The following CNTNAP2 variants were observed in gnomAD, a reference collection of about 807,000 sequenced individuals.
The protein encoded by CNTNAP2 is contactin-associated protein-like 2.
CNTNAP2 carries 98 observed loss-of-function variants against 155.2 expected under a neutral mutation model. The observed-to-expected ratio is 0.63, with a 90% CI of 0.54 to 0.75. The LOEUF is 0.75. Among genes scored for constraint, CNTNAP2 ranks in the 30% least tolerant of loss-of-function variants. The probability of loss-of-function intolerance (pLI) is 0.00; values close to 1 mark genes in which losing one functional copy is unlikely to be tolerated. For missense variants in CNTNAP2, 1,727 were observed against 1,688.1 expected (o/e 1.02, Z -0.40); for synonymous variants, 651 against 631.2 (o/e 1.03, Z -0.47).
At chr7:146,932,523 G>A (rs539995957) in intron 3 of CNTNAP2, among the ~76,000 whole-genome samples, 2,259 of 151,990 alleles carry the variant, frequency 0.015, 51 homozygotes, top group African/African-American at 0.052. Context: ...TTGAAAACTG[G>A]CACAAGACAG....
intron 12 of CNTNAP2, among the ~76,000 whole-genome samples, chr7:147,624,155 A>G (rs150571909): frequency 4.1e-4 from 63 of 152,260 alleles, no homozygotes; most frequent in South Asian, 3.9e-3. Flanking sequence ...TGAATCTACT[A>G]CAAGAAAACA....
chr7:147,941,924 G>GA (rs1800729813), intron 14 of CNTNAP2, among the ~76,000 whole-genome samples: 1 of 152,206 alleles, frequency 6.6e-6, no homozygotes, highest in Non-Finnish European at 1.5e-5. Context: ...TATTTAAAGT[G>GA]TGTACGTTCT....
intron 10 of CNTNAP2, among the ~76,000 whole-genome samples, chr7:147,439,215 A>G (rs1282370098): frequency 6.6e-6 from 1 of 151,902 alleles, no homozygotes; most frequent in Non-Finnish European, 1.5e-5. Flanking sequence ...TTTTTGATGT[A>G]GGCACTTATA....
chr7:148,062,545 T>A (rs954726270), intron 15 of CNTNAP2, among the ~76,000 whole-genome samples: 1 of 152,100 alleles, frequency 6.6e-6, no homozygotes, highest in African/African-American at 2.4e-5. Context: ...TTGATTGACA[T>A]AAAGTCTAAA....
intron 1 of CNTNAP2, among the ~76,000 whole-genome samples, chr7:146,226,283 G>A (rs528058043): frequency 1.4e-4 from 22 of 152,096 alleles, no homozygotes; most frequent in Non-Finnish European, 2.9e-4. Context: ...CTTGAGTATT[G>A]GTGTATTGGG....
chr7:147,131,381 G>A (rs1202598215), intron 7 of CNTNAP2, among the ~76,000 whole-genome samples: 1 of 151,852 alleles, frequency 6.6e-6, no homozygotes, highest in African/African-American at 2.4e-5. Context: ...GAAGTTAGAA[G>A]CAAATACAGA....
intron 1 of CNTNAP2, among the ~76,000 whole-genome samples, chr7:146,601,202 C>A (rs1437733494): frequency 6.6e-6 from 1 of 152,024 alleles, no homozygotes; most frequent in Non-Finnish European, 1.5e-5. Flanking sequence ...CATTAATGAA[C>A]TTTGCAAACC....
At chr7:148,365,099 A>G (rs1269817218) in intron 21 of CNTNAP2, among the ~76,000 whole-genome samples, 1 of 152,052 alleles carries the variant, frequency 6.6e-6, no homozygotes, top group African/African-American at 2.4e-5. Flanking sequence ...CCAAGAACCC[A>G]CCAGTTCCGG....
chr7:147,119,769 A>G (rs1218661894), intron 5 of CNTNAP2, among the ~76,000 whole-genome samples: 1 of 152,070 alleles, frequency 6.6e-6, no homozygotes, highest in African/African-American at 2.4e-5. Flanking sequence ...GAGAGGAAAG[A>G]AAGAAAGAAG....
intron 9 of CNTNAP2, among the ~76,000 whole-genome samples, chr7:147,321,516 A>C (rs1795350258): frequency 6.6e-6 from 1 of 152,162 alleles, no homozygotes; most frequent in Admixed American, 6.5e-5. Context: ...CATAAGAAGA[A>C]AGCACCTTCT....
chr7:146,631,915 G>A (rs1395191579), intron 1 of CNTNAP2, among the ~76,000 whole-genome samples: 2 of 151,250 alleles, frequency 1.3e-5, no homozygotes, highest in African/African-American at 4.9e-5. Flanking sequence ...TTCAGTGCCT[G>A]CTCAAAGGCT....
intron 15 of CNTNAP2, among the ~76,000 whole-genome samples, chr7:147,986,321 C>T (rs1378314891): frequency 6.6e-6 from 1 of 152,176 alleles, no homozygotes; most frequent in Non-Finnish European, 1.5e-5. Flanking sequence ...TTAAAAAGAG[C>T]ATTAACATCA....
At chr7:148,333,736 C>T (rs7779793) in intron 21 of CNTNAP2, among the ~76,000 whole-genome samples, 105,770 of 152,078 alleles carry the variant, frequency 0.7, 36,978 homozygotes, top group East Asian at 0.89. Context: ...AGATTCACTG[C>T]AGTCAGAAGA....
At chr7:147,409,511 A>T (rs867014562) in intron 10 of CNTNAP2, among the ~76,000 whole-genome samples, 1 of 152,224 alleles carries the variant, frequency 6.6e-6, no homozygotes, top group East Asian at 1.9e-4. Flanking sequence ...CATGACGAAG[A>T]CACAAAAGCA....
At chr7:146,700,227 T>C (rs1800852360) in intron 1 of CNTNAP2, among the ~76,000 whole-genome samples, 1 of 152,126 alleles carries the variant, frequency 6.6e-6, no homozygotes, top group African/African-American at 2.4e-5. Flanking sequence ...GGATCTAGTG[T>C]TGACTTCTTT....
At chr7:146,921,750 C>T (rs1796504290) in intron 3 of CNTNAP2, among the ~76,000 whole-genome samples, 2 of 152,064 alleles carry the variant, frequency 1.3e-5, no homozygotes, top group South Asian at 4.2e-4. Flanking sequence ...GGGGACACAG[C>T]CAAACCATTT....
At chr7:148,368,145 AT>A (rs1189984889) in intron 21 of CNTNAP2, among the ~76,000 whole-genome samples, 2 of 152,158 alleles carry the variant, frequency 1.3e-5, no homozygotes, top group Non-Finnish European at 2.9e-5. Flanking sequence ...CCTGGCTCAG[AT>A]TAGCTTTGTT....
At chr7:147,893,961 A>T (rs1484611887) in intron 13 of CNTNAP2, among the ~76,000 whole-genome samples, 3 of 152,198 alleles carry the variant, frequency 2.0e-5, no homozygotes, top group Non-Finnish European at 4.4e-5. Flanking sequence ...GGAAGCGTAC[A>T]CATCCATACT....
intron 13 of CNTNAP2, among the ~76,000 whole-genome samples, chr7:147,734,873 C>CG (rs1796812971): frequency 6.6e-6 from 1 of 152,082 alleles, no homozygotes; most frequent in Non-Finnish European, 1.5e-5. Context: ...TCCCCTTTAT[C>CG]ATTTTTTATT....
Sources: gnomAD v4.1 joint callset for allele counts (sites outside exome capture counted in the v4.1 genomes callset) on GRCh38, gnomAD v4.1.1 for gene constraint, MANE v1.5 for transcripts, NCBI Gene and HGNC (gene_info 2026-07-23, HGNC 2026-07-21) for gene names.